The following GAD1 variants were observed in gnomAD, a reference collection of about 807,000 sequenced individuals.
GAD1 encodes the protein 67 kDa glutamic acid decarboxylase.
GAD1 carries 35 observed loss-of-function variants against 75.2 expected under a neutral mutation model. That is an observed-to-expected ratio of 0.47 (90% CI 0.36 to 0.62). The LOEUF (loss-of-function observed/expected upper bound fraction) is 0.62. GAD1 is among the 20% of genes least tolerant of loss of function. The pLI is 0.00. For missense variants in GAD1, 490 were observed against 758.5 expected (o/e 0.65, Z 4.16); for synonymous variants, 257 against 271.9 (o/e 0.95, Z 0.54).
intron 6 of GAD1, among the ~76,000 whole-genome samples, chr2:170,837,758 G>C (rs547289242): frequency 3.3e-5 from 5 of 152,234 alleles, no homozygotes; most frequent in African/African-American, 1.2e-4. Flanking sequence ...AGAATTACAT[G>C]GGTGTCCATC....
upstream of GAD1, among the ~76,000 whole-genome samples, chr2:170,813,617 A>T (rs1405495642): frequency 6.6e-6 from 1 of 152,112 alleles, no homozygotes; most frequent in African/African-American, 2.4e-5. Context: ...AGGCGTGAAG[A>T]TCTCCCCGCA....
chr2:170,855,753 G>A (rs1217619784), intron 14 of GAD1, among the ~76,000 whole-genome samples: 1 of 151,050 alleles, frequency 6.6e-6, no homozygotes, highest in Non-Finnish European at 1.5e-5. Flanking sequence ...CATGCCTGTG[G>A]TCCCAGCTAC....
At position 170,852,811 on chromosome 2, in the gene GAD1, G is replaced by A. The variant is rs775988666; in HGVS notation, c.1263+19G>A. On this transcript the variant is annotated intron_variant, in intron 13 of 16. Coordinates refer to ENST00000358196, the MANE Select transcript of GAD1 (RefSeq NM_000817.3). ...GGAAAAGGTCTGTACTCCCTCCAAA[G>A]CTACACTGGGGCCCGTACGTTCTTT... is the stretch of plus-strand genomic sequence containing the variant. 2 of 1,606,696 alleles carry A rather than the reference G, an allele frequency of 1.2e-6. No homozygotes were observed. Among genetic ancestry groups the A allele is most frequent in the Non-Finnish European group, 8.5e-7 (1 of 1,173,234 alleles).
At chr2:170,826,042 C>T (rs1374027274) in intron 3 of GAD1, among the ~76,000 whole-genome samples, 3 of 152,158 alleles carry the variant, frequency 2.0e-5, no homozygotes, top group Non-Finnish European at 4.4e-5. Flanking sequence ...GCCTGGTTCA[C>T]CTACCTTTCT....
Position 170,818,785 on chromosome 2 carries a change from G to A in GAD1, c.82+112G>A, listed in dbSNP as rs1169280708. 3 of 1,048,152 alleles carry A rather than the reference G, an allele frequency of 2.9e-6. No homozygotes were observed. The highest frequency in any genetic ancestry group is 3.1e-5 in the African/African-American group (2 of 63,716). The allele number at this position is 1,048,152 out of a possible 1,614,324, so 64.9% of individuals were successfully genotyped here. ...AAGGGGGAGCGCGGAGATAATGGAGGCTGGGAAATAAATGGGGCTCTGACC... is the reference window on the plus strand; with the variant it reads ...AAGGGGGAGCGCGGAGATAATGGAGACTGGGAAATAAATGGGGCTCTGACC... On this transcript the variant is annotated intron_variant, in intron 2 of 16. Transcript: ENST00000358196. The surrounding 1 kb of genome is among the most constrained non-coding windows in gnomAD (Gnocchi z 5.9).
At chr2:170,829,750 C>G (rs1333248126) in intron 4 of GAD1, 117 bp downstream of exon 4, 1 of 1,134,612 alleles carries the variant, frequency 8.8e-7, no homozygotes, top group Non-Finnish European at 1.3e-6. Context: ...CTCTCTGAAC[C>G]CACATGAAAC....
In GAD1 at chr2:170,831,126, C is replaced by T. The variant is rs551258454; in HGVS notation, c.481C>T (p.His161Tyr). The change falls in exon 5 of 17, where the codon CAC (histidine) becomes TAC (tyrosine). Residue 161 changes from histidine (H) to tyrosine (Y), a missense_variant. Physicochemically the swap from His to Tyr is moderately conservative, Grantham distance 83 (BLOSUM62 2). Transcript: ENST00000358196. ...GGGCTTCAACTTGGAGCTCTCTGAC[C>T]ACCCCGAGTCCCTGGAGCAGATCCT... ...MEGFNLELSD[H>Y]PESLEQILVD... 1.2e-6 allele frequency: 2 copies of T among 1,614,158 alleles called. No homozygotes were observed. Among genetic ancestry groups the T allele is most frequent in the East Asian group, 4.5e-5 (2 of 44,874 alleles).
chr2:170,841,661 G>A (rs1404151655), intron 6 of GAD1, among the ~76,000 whole-genome samples: 1 of 152,202 alleles, frequency 6.6e-6, no homozygotes, highest in Non-Finnish European at 1.5e-5. Context: ...GGGGCAGCAG[G>A]GTCAGAAGAA....
intron 6 of GAD1, among the ~76,000 whole-genome samples, chr2:170,837,946 A>C (rs1331114425): frequency 1.3e-5 from 2 of 152,250 alleles, no homozygotes; most frequent in African/African-American, 4.8e-5. Context: ...AACTGCTCTC[A>C]GCCAGAAAAC....
intron 2 of GAD1, among the ~76,000 whole-genome samples, chr2:170,819,643 C>T (rs1483395772): frequency 6.6e-6 from 1 of 151,358 alleles, no homozygotes; most frequent in East Asian, 1.9e-4. Flanking sequence ...CTGACCCCAC[C>T]CCCCTAAAAA....
At chr2:170,819,034 C>T (rs1460193255) in intron 2 of GAD1, among the ~76,000 whole-genome samples, 1 of 152,064 alleles carries the variant, frequency 6.6e-6, no homozygotes, top group Non-Finnish European at 1.5e-5. Context: ...GCTAGGAGCC[C>T]CAGCAGGAAT....
Position 170,844,224 on chromosome 2 carries a change from T to C in GAD1, c.751+67T>C. 3.2e-6 allele frequency: 3 copies of C among 936,218 alleles called. 1 individual carries two copies. The highest frequency in any genetic ancestry group is 5.3e-6 in the Non-Finnish European group (3 of 567,426). The allele number at this position is 936,218 out of a possible 1,614,324, so 58.0% of individuals were successfully genotyped here. On this transcript the variant is annotated intron_variant, in intron 7 of 16. Coordinates refer to ENST00000358196, the MANE Select transcript of GAD1 (RefSeq NM_000817.3). ...TTAAGAATACAAAATATGAAGTAGG[T>C]TTATGGAAGAATAATGCCTTAACAT...
rs918527507 is a variant in GAD1, at chr2:170,836,967, T to C, written c.638+84T>C. On this transcript the variant is annotated intron_variant, in intron 6 of 16. Transcript: ENST00000358196. ...TAAAAGTTCAGTCCCAGTGGTTCTA[T>C]TTTATTAAAGTTTCCCTGGTCATTT... 8 of 954,226 alleles carry C rather than the reference T, an allele frequency of 8.4e-6. No individual in the cohort carries two copies. The Admixed American group carries it at 1.2e-4, about 14-fold the overall frequency. The allele number at this position is 954,226 out of a possible 1,614,324, so 59.1% of individuals were successfully genotyped here. A position where few individuals can be genotyped will look rare whatever the true frequency, so the allele number is the denominator to read the frequency against.
Position 170,852,730 on chromosome 2 carries a change from T to C in GAD1, c.1201T>C (p.Trp401Arg). The C allele has an allele frequency of 6.2e-7, 1 of 1,614,182 alleles. No homozygotes were observed. The highest frequency in any genetic ancestry group is 1.3e-5 in the African/African-American group (1 of 75,064). Residue 401 changes from tryptophan to arginine, a missense_variant, in exon 13 of 17, where the codon TGG (tryptophan) becomes CGG (arginine). Physicochemically the swap from Trp to Arg is moderately radical, Grantham distance 101 (BLOSUM62 -3). This residue lies in a region of GAD1 where 324 missense variants were observed against 523.9 expected (regional missense o/e 0.62). Transcript: ENST00000358196. ...TTCTTTCAGGGCCAACTCAGTCACCTGGAACCCTCACAAGATGATGGGCGT... is the reference window on the plus strand; with the variant it reads ...TTCTTTCAGGGCCAACTCAGTCACCCGGAACCCTCACAAGATGATGGGCGT... ...NGIERANSVT[W>R]NPHKMMGVLL...
chr2:170,829,723 C>A, intron 4 of GAD1, 90 bp downstream of exon 4: 2 of 1,384,616 alleles, frequency 1.4e-6, no homozygotes, highest in Non-Finnish European at 2.0e-6. Context: ...CTTCTTTTAT[C>A]AAGAAATGTC....
intron 2 of GAD1, among the ~76,000 whole-genome samples, chr2:170,819,403 C>G (rs1239334575): frequency 6.6e-6 from 1 of 152,068 alleles, no homozygotes; most frequent in African/African-American, 2.4e-5. Context: ...GAGCACCTCT[C>G]TCCTTATCCC....
At chr2:170,852,552 A>G in intron 12 of GAD1, 162 bp from the exon 13 acceptor site, 1 of 689,652 alleles carries the variant, frequency 1.5e-6, no homozygotes, top group South Asian at 1.6e-5. Context: ...TAATACTCCG[A>G]GACTGCCTGC....
intron 5 of GAD1, among the ~76,000 whole-genome samples, chr2:170,834,000 C>T (rs1250558804): frequency 7.3e-6 from 1 of 137,584 alleles, no homozygotes; most frequent in African/African-American, 2.7e-5. Flanking sequence ...GACCCTGTTT[C>T]AAAAAAAAAA....
chr2:170,858,888 C>T lies in GAD1; in HGVS notation c.1606C>T (p.His536Tyr). ...CAGCCCTCAACGACGGGAAAAGCTA[C>T]ACAAGGTATGGACTTGCTTTTTGTC... ...PDSPQRREKL[H>Y]KVAPKIKALM... Residue 536 changes from histidine (H) to tyrosine (Y), a missense_variant, in exon 16 of 17, where the codon CAC becomes TAC. Around this residue, in one of 3 missense-constraint regions of GAD1, gnomAD observed 324 missense variants for 523.9 expected, o/e 0.62. Transcript: ENST00000358196. The T allele has an allele frequency of 6.2e-7, 1 of 1,613,928 alleles. No individual in the cohort carries two copies. The highest frequency in any genetic ancestry group is 8.5e-7 in the Non-Finnish European group (1 of 1,179,766).
Sources: allele counts gnomAD v4.1 joint callset (sites outside exome capture counted in the v4.1 genomes callset), GRCh38; gene constraint gnomAD v4.1.1; regional missense constraint gnomAD v4.1.1; non-coding constraint Gnocchi (gnomAD v3.1); transcripts MANE v1.5; gene names NCBI Gene and HGNC (gene_info 2026-07-23, HGNC 2026-07-21).